The following UTS2 variants were observed in gnomAD, a reference collection of about 807,000 sequenced individuals.
UTS2 encodes the protein urotensin 2.
In UTS2, 10 loss-of-function variants were observed where a neutral mutation model predicts 12.6. The ratio of observed to expected loss-of-function variants is 0.80; its 90% CI spans 0.49 to 1.35. UTS2 has a LOEUF of 1.35. Among genes scored for constraint, UTS2 ranks in the 40% most tolerant of loss-of-function variants. UTS2 has a pLI of 0.00. For synonymous variants in UTS2, 52 were observed against 50.0 expected (o/e 1.04, Z -0.17); for missense variants, 142 against 143.2 (o/e 0.99, Z 0.04).
At chr1:7,882,045 TA>T in the UTS2 span, among the ~76,000 whole-genome samples, 1 of 152,260 alleles carries the variant, frequency 6.6e-6, no homozygotes, top group Admixed American at 6.5e-5. Context: ...TCCTCTTCAA[TA>T]AATGGTGTCC....
the UTS2 span, among the ~76,000 whole-genome samples, chr1:7,875,602 C>T: frequency 2.0e-5 from 3 of 152,054 alleles, no homozygotes; most frequent in Non-Finnish European, 4.4e-5. Context: ...AAGACAGGCT[C>T]ACCCACTGAC....
the UTS2 span, among the ~76,000 whole-genome samples, chr1:7,901,584 G>A: frequency 6.7e-6 from 1 of 149,714 alleles, no homozygotes; most frequent in South Asian, 2.1e-4. Flanking sequence ...CTATATACTT[G>A]GATGTGTATA....
chr1:7,847,900 A>G lies in UTS2; in HGVS notation c.259-18T>C. On this transcript the variant is annotated intron_variant, in intron 3 of 3. Coordinates refer to ENST00000361696, the MANE Select transcript of UTS2 (RefSeq NM_006786.4). The stretch of plus-strand genomic sequence containing the variant: ...TCCTGAAACTAAAACAATCCAAACG[A>G]ACAACAACAACAAAAAAAAACAGAT... 6.6e-7 allele frequency: 1 copy of G among 1,516,890 alleles called. No homozygotes were observed. Among genetic ancestry groups the G allele is most frequent in the Non-Finnish European group, 9.0e-7 (1 of 1,107,870 alleles). The allele number at this position is 1,516,890 out of a possible 1,614,324, so 94.0% of individuals were successfully genotyped here.
chr1:7,903,951 T>C, the UTS2 span, among the ~76,000 whole-genome samples: 1 of 152,200 alleles, frequency 6.6e-6, no homozygotes, highest in Non-Finnish European at 1.5e-5. Context: ...ATGTGTTTTA[T>C]TACCCGTCTG....
chr1:7,911,328 T>TG, the UTS2 span, among the ~76,000 whole-genome samples: 156 of 152,332 alleles, frequency 1.0e-3, no homozygotes, highest in African/African-American at 3.5e-3. Flanking sequence ...GTACTGAGCA[T>TG]GGCTAAATAC....
At chr1:7,850,687 A>T (rs984129966) in intron 2 of UTS2, 125 bp downstream of exon 2, 1 of 945,620 alleles carries the variant, frequency 1.1e-6, no homozygotes, top group African/African-American at 1.6e-5. Flanking sequence ...AGTGTTGGTA[A>T]TTACTTATTT....
chr1:7,863,980 G>A, the UTS2 span, among the ~76,000 whole-genome samples: 14 of 152,324 alleles, frequency 9.2e-5, no homozygotes, highest in African/African-American at 2.9e-4. Flanking sequence ...GTCTGCCCGG[G>A]AGAATTCACA....
At chr1:7,895,601 A>G in the UTS2 span, among the ~76,000 whole-genome samples, 1 of 152,198 alleles carries the variant, frequency 6.6e-6, no homozygotes, top group Non-Finnish European at 1.5e-5. Context: ...ACAGATAACT[A>G]CCATCTGACG....
At chr1:7,857,310 ATCC>A (rs111535581), upstream of UTS2, among the ~76,000 whole-genome samples, 9 of 151,994 alleles carry the variant, frequency 5.9e-5, 1 homozygote, top group South Asian at 2.1e-4. Context: ...TCTCCCCACA[ATCC>A]TCCATCTCTC....
chr1:7,876,619 G>A, the UTS2 span, among the ~76,000 whole-genome samples: 5 of 151,862 alleles, frequency 3.3e-5, no homozygotes, highest in Non-Finnish European at 5.9e-5. Flanking sequence ...CACCATCCAG[G>A]GGCCCAAGGA....
chr1:7,891,576 G>GAAAGAAAGAAAGAAAGAAAGAAAGAAAA, the UTS2 span, among the ~76,000 whole-genome samples: 196 of 150,660 alleles, frequency 1.3e-3, 2 homozygotes, highest in African/African-American at 4.4e-3. Flanking sequence ...AAGAAAGAAA[G>GAAAGAAAGAAAGAAAGAAAGAAAGAAAA]AAAGAAAGAA....
chr1:7,863,645 G>A, the UTS2 span, among the ~76,000 whole-genome samples: 2 of 152,144 alleles, frequency 1.3e-5, no homozygotes, highest in Admixed American at 1.3e-4. Context: ...AATGAATTTT[G>A]GGAAATCCTT....
the UTS2 span, among the ~76,000 whole-genome samples, chr1:7,874,373 G>A: frequency 6.6e-6 from 1 of 152,152 alleles, no homozygotes; most frequent in Admixed American, 6.5e-5. Context: ...ACCATTTTGA[G>A]AGCCCACCCC....
the UTS2 span, among the ~76,000 whole-genome samples, chr1:7,907,417 C>T: frequency 1.3e-3 from 198 of 151,882 alleles, no homozygotes; most frequent in African/African-American, 4.6e-3. Context: ...GAGGCTGAGG[C>T]GGGAGGATTT....
the UTS2 span, among the ~76,000 whole-genome samples, chr1:7,907,256 A>G: frequency 6.6e-6 from 1 of 152,102 alleles, no homozygotes; most frequent in East Asian, 1.9e-4. Context: ...GTCTCAAAAC[A>G]AAAACAAAAA....
At chr1:7,911,744 A>G in the UTS2 span, among the ~76,000 whole-genome samples, 1 of 152,126 alleles carries the variant, frequency 6.6e-6, no homozygotes, top group Non-Finnish European at 1.5e-5. Flanking sequence ...TCTACTAAAA[A>G]TACAAAAATT....
At chr1:7,864,447 A>T in the UTS2 span, among the ~76,000 whole-genome samples, 2 of 152,092 alleles carry the variant, frequency 1.3e-5, no homozygotes, top group African/African-American at 4.8e-5. Context: ...TGTCTGCCTC[A>T]TGTCTGCACC....
chr1:7,862,060 T>C, the UTS2 span, among the ~76,000 whole-genome samples: 1 of 151,800 alleles, frequency 6.6e-6, no homozygotes, highest in African/African-American at 2.4e-5. Context: ...TTACAGGGGC[T>C]GCCCACCACG....
the UTS2 span, among the ~76,000 whole-genome samples, chr1:7,875,653 G>A: frequency 1.2e-4 from 19 of 152,180 alleles, no homozygotes; most frequent in Middle Eastern, 3.4e-3. Context: ...GAGGGCCAAG[G>A]GACTGACCCA....
Sources: allele counts gnomAD v4.1 joint callset (sites outside exome capture counted in the v4.1 genomes callset), GRCh38; gene constraint gnomAD v4.1.1; transcripts MANE v1.5; gene names NCBI Gene and HGNC (gene_info 2026-07-23, HGNC 2026-07-21).